GRIA4: variants seen among roughly 807,000 people sequenced by gnomAD.
The protein encoded by GRIA4 is glutamate ionotropic receptor AMPA type subunit 4.
A neutral mutation model predicts 104.0 loss-of-function variants in GRIA4; 34 were observed. The observed-to-expected ratio is 0.33, with a 90% confidence interval of 0.25 to 0.44. The LOEUF is 0.44. Ranked by LOEUF, GRIA4 falls within the 20% of genes least tolerant of loss-of-function variation. The pLI, the probability that GRIA4 is intolerant of heterozygous loss-of-function variation, is 1.00. For synonymous variants in GRIA4, 386 were observed against 381.9 expected, an observed-to-expected ratio of 1.01 and a Z score of -0.13; for missense variants, 750 against 1,096.5, an observed-to-expected ratio of 0.68 and a Z score of 4.46.
intron 3 of GRIA4, among the ~76,000 whole-genome samples, chr11:105,618,406 G>A (rs997303092): frequency 6.6e-6 from 1 of 151,986 alleles, no homozygotes; most frequent in Non-Finnish European, 1.5e-5. Flanking sequence ...AGTTAAAAGT[G>A]GAAGCATGGA....
intron 3 of GRIA4, among the ~76,000 whole-genome samples, chr11:105,656,688 G>T (rs988606612): frequency 1.3e-5 from 2 of 151,886 alleles, no homozygotes; most frequent in Admixed American, 1.3e-4. Flanking sequence ...TTCCCTCAAG[G>T]TCATAGTATT....
At chr11:105,709,279 T>C (rs1312834953) in intron 3 of GRIA4, among the ~76,000 whole-genome samples, 1 of 151,968 alleles carries the variant, frequency 6.6e-6, no homozygotes, top group Non-Finnish European at 1.5e-5. Flanking sequence ...AGTAAATAAG[T>C]GAATAAATAA....
At chr11:105,708,479 A>G (rs1953788893) in intron 3 of GRIA4, among the ~76,000 whole-genome samples, 1 of 152,158 alleles carries the variant, frequency 6.6e-6, no homozygotes, top group South Asian at 2.1e-4. Context: ...ACCTAACTAT[A>G]TTACAAATAA....
intron 3 of GRIA4, among the ~76,000 whole-genome samples, chr11:105,733,800 A>C (rs1938754180): frequency 6.8e-6 from 1 of 146,376 alleles, no homozygotes; most frequent in South Asian, 2.2e-4. Context: ...CTTCAGCAGT[A>C]GTCGATACCC....
At chr11:105,765,794 G>GTA (rs1221815580) in intron 4 of GRIA4, among the ~76,000 whole-genome samples, 1 of 152,162 alleles carries the variant, frequency 6.6e-6, no homozygotes, top group Admixed American at 6.6e-5. Flanking sequence ...AACAGGCACA[G>GTA]TATAGCCTAC....
At chr11:105,681,237 G>A (rs556998408) in intron 3 of GRIA4, among the ~76,000 whole-genome samples, 1 of 152,220 alleles carries the variant, frequency 6.6e-6, no homozygotes, top group Non-Finnish European at 1.5e-5. Flanking sequence ...GCATGCACTT[G>A]TTGCTAAAAT....
chr11:105,930,296 C>G (rs1211838082), intron 13 of GRIA4, among the ~76,000 whole-genome samples: 1 of 152,082 alleles, frequency 6.6e-6, no homozygotes, highest in Admixed American at 6.6e-5. Flanking sequence ...ATGATCTTAT[C>G]AGAATCAGAT....
intron 4 of GRIA4, among the ~76,000 whole-genome samples, chr11:105,794,459 G>GTGTA: frequency 1.1e-5 from 1 of 93,324 alleles, no homozygotes; most frequent in Non-Finnish European, 2.0e-5. Flanking sequence ...GTGTCTGTGT[G>GTGTA]TGTGTATATG....
intron 5 of GRIA4, among the ~76,000 whole-genome samples, chr11:105,885,391 T>C (rs1946218941): frequency 6.6e-6 from 1 of 152,206 alleles, no homozygotes; most frequent in Non-Finnish European, 1.5e-5. Context: ...CTATTTTAGA[T>C]AAATTGTGGA....
chr11:105,612,176 G>C, intron 2 of GRIA4, 100 bp from the exon 3 acceptor site: 1 of 1,033,402 alleles, frequency 9.7e-7, no homozygotes, highest in Non-Finnish European at 1.5e-6. Context: ...CTCTTTAATT[G>C]TATGTGCTTG....
intron 6 of GRIA4, among the ~76,000 whole-genome samples, chr11:105,888,085 GTCTGA>G (rs1429755853): frequency 2.6e-5 from 4 of 151,960 alleles, no homozygotes; most frequent in Non-Finnish European, 5.9e-5. Context: ...ATTCTTAAAG[GTCTGA>G]GAGAAATCCT....
chr11:105,746,063 A>T (rs1292461638), intron 3 of GRIA4, among the ~76,000 whole-genome samples: 2 of 152,052 alleles, frequency 1.3e-5, no homozygotes, highest in African/African-American at 4.8e-5. Flanking sequence ...TATTTTCATA[A>T]ACATTTATGC....
intron 4 of GRIA4, among the ~76,000 whole-genome samples, chr11:105,810,219 T>A (rs1012939567): frequency 2.6e-5 from 4 of 152,178 alleles, no homozygotes; most frequent in African/African-American, 7.2e-5. Flanking sequence ...ATAACATCCA[T>A]GTATTAATTT....
chr11:105,789,858 C>CA (rs935005283), intron 4 of GRIA4, among the ~76,000 whole-genome samples: 5 of 151,878 alleles, frequency 3.3e-5, no homozygotes, highest in Admixed American at 1.3e-4. Context: ...GAAGCAGCAC[C>CA]AAAAAAATTG....
intron 9 of GRIA4, 68 bp downstream of exon 9, chr11:105,905,369 G>A: frequency 1.2e-6 from 1 of 853,480 alleles, no homozygotes. Context: ...TTTTAAAGGT[G>A]TACAGAAGAA....
At chr11:105,691,935 C>CAAAAAA (rs202074069) in intron 3 of GRIA4, among the ~76,000 whole-genome samples, 1 of 76,316 alleles carries the variant, frequency 1.3e-5, no homozygotes, top group Non-Finnish European at 2.5e-5. Context: ...AACTCCGTCT[C>CAAAAAA]AAAAAAAAAA....
At chr11:105,959,559 C>A (rs1948681450) in intron 14 of GRIA4, among the ~76,000 whole-genome samples, 2 of 152,168 alleles carry the variant, frequency 1.3e-5, no homozygotes, top group South Asian at 4.1e-4. Context: ...GCATTTTTAG[C>A]TCATCGTAGT....
At chr11:105,978,012 G>C (rs771854587) in intron 16 of GRIA4, among the ~76,000 whole-genome samples, 4 of 151,808 alleles carry the variant, frequency 2.6e-5, no homozygotes, top group Non-Finnish European at 4.4e-5. Flanking sequence ...TAAAATAGTG[G>C]GCAATGTATT....
intron 3 of GRIA4, among the ~76,000 whole-genome samples, chr11:105,732,368 C>G (rs951713870): frequency 6.6e-6 from 1 of 152,130 alleles, no homozygotes; most frequent in Non-Finnish European, 1.5e-5. Flanking sequence ...GCATTAGAAG[C>G]TGCTGTTGTG....
Sources: gnomAD v4.1 joint callset for allele counts (sites outside exome capture counted in the v4.1 genomes callset) on GRCh38, gnomAD v4.1.1 for gene constraint, MANE v1.5 for transcripts, NCBI Gene and HGNC (gene_info 2026-07-23, HGNC 2026-07-21) for gene names.